IL20RA: variants seen among roughly 807,000 people sequenced by gnomAD.
IL20RA encodes the protein interleukin-20 receptor subunit alpha.
Under a neutral mutation model 36.5 loss-of-function variants are expected in IL20RA, and 29 were observed. The observed-to-expected ratio is 0.79, with a 90% CI of 0.59 to 1.08. IL20RA has a LOEUF of 1.08. Among genes scored for constraint, IL20RA ranks in the 50% least tolerant of loss-of-function variants. The pLI is 0.00. For synonymous variants in IL20RA, 279 were observed against 267.1 expected, an observed-to-expected ratio of 1.04 and a Z score of -0.43; for missense variants, 652 against 668.4, an observed-to-expected ratio of 0.98 and a Z score of 0.27.
chr6:137,007,202 C>T (rs934568679), intron 5 of IL20RA, among the ~76,000 whole-genome samples: 30 of 152,314 alleles, frequency 2.0e-4, no homozygotes, highest in African/African-American at 2.6e-4. Flanking sequence ...AATACAAATG[C>T]GATTTCTTCA....
chr6:137,001,995 C>T lies in IL20RA; in HGVS notation c.1225G>A (p.Asp409Asn), dbSNP rs1420697238. Reference sequence around the variant, plus strand: ...TGCTCTTCAGGCCCCGCACAAATGTCAGTGGTTCTGACATCATATTCATAT... The same window carrying T: ...TGCTCTTCAGGCCCCGCACAAATGTTAGTGGTTCTGACATCATATTCATAT... The part of the protein sequence containing the change: ...IEYEYDVRTT[D>N]ICAGPEEQEL... Residue 409 changes from aspartate to asparagine, a missense_variant, in exon 7 of 7, where the codon GAC becomes AAC. Coordinates refer to ENST00000316649, the MANE Select transcript of IL20RA (RefSeq NM_014432.4). The T allele has an allele frequency of 6.2e-7, 1 of 1,614,098 alleles. No individual in the cohort carries two copies. Among genetic ancestry groups the T allele is most frequent in the Non-Finnish European group, 8.5e-7 (1 of 1,180,052 alleles).
rs1775014419 is a variant in IL20RA, at chr6:137,000,999, C to T, written c.*559G>A. The T allele has an allele frequency of 6.6e-6, 1 of 152,218 alleles. No homozygotes were observed. Among genetic ancestry groups the T allele is most frequent in the Non-Finnish European group, 1.5e-5 (1 of 68,122 alleles). 9.4% of individuals were successfully genotyped at this position (152,218 alleles called of 1,614,324 possible). ...GTGTGTGATATCATGAAGGTCTGTG[C>T]CTGATGTATTCACTCAAAATATGAA... On this transcript the variant is annotated 3_prime_UTR_variant, in exon 7 of 7. Transcript: ENST00000316649.
chr6:137,010,605 T>C (rs1226845209), intron 3 of IL20RA, among the ~76,000 whole-genome samples: 1 of 152,206 alleles, frequency 6.6e-6, no homozygotes, highest in Non-Finnish European at 1.5e-5. Context: ...GGGTCCTTCA[T>C]GACTGAGTCA....
At position 137,001,583 on chromosome 6, in the gene IL20RA, C is replaced by G. The variant is rs186439336; in HGVS notation, c.1637G>C (p.Gly546Ala). The change falls in exon 7 of 7, where the codon GGG (glycine) becomes GCG (alanine). Residue 546 changes from glycine to alanine, a missense_variant. Gly to Ala is a moderately conservative substitution (Grantham distance 60). Coordinates refer to ENST00000316649, the MANE Select transcript of IL20RA (RefSeq NM_014432.4). The part of the protein sequence containing the change: ...TYLMQFMEEW[G>A]LYVQMEN The stretch of plus-strand genomic sequence containing the variant: ...TCAGTTTTCCATCTGCACATATAAC[C>G]CCCATTCCTCCATGAATTGCATGAG... The G allele has an allele frequency of 2.3e-5, 37 of 1,581,626 alleles. No homozygotes were observed. In the Admixed American group the frequency reaches 5.1e-4, roughly 22 times the overall value.
At chr6:137,014,926 G>C (rs2115383947) in intron 2 of IL20RA, among the ~76,000 whole-genome samples, 1 of 152,300 alleles carries the variant, frequency 6.6e-6, no homozygotes, top group Non-Finnish European at 1.5e-5. Context: ...CCTCCAGGAA[G>C]ATCTCAGAAA....
intron 1 of IL20RA, among the ~76,000 whole-genome samples, chr6:137,038,455 C>T (rs1222001548): frequency 6.6e-6 from 1 of 151,880 alleles, no homozygotes; most frequent in Non-Finnish European, 1.5e-5. Context: ...CCTCAACCTC[C>T]CAAAGCTCTG....
At chr6:137,016,081 A>T (rs1775673377) in intron 2 of IL20RA, among the ~76,000 whole-genome samples, 1 of 152,124 alleles carries the variant, frequency 6.6e-6, no homozygotes, top group Non-Finnish European at 1.5e-5. Flanking sequence ...CTGATGTCGT[A>T]GCCTTCCTGG....
intron 4 of IL20RA, 56 bp downstream of exon 4, chr6:137,009,261 C>T: frequency 1.4e-6 from 2 of 1,411,554 alleles, no homozygotes; most frequent in Non-Finnish European, 2.0e-6. Flanking sequence ...TTGTTTGTTC[C>T]CACATTAGCT....
chr6:137,026,121 G>C (rs1483781104), intron 1 of IL20RA, among the ~76,000 whole-genome samples: 2 of 152,164 alleles, frequency 1.3e-5, no homozygotes, highest in Non-Finnish European at 2.9e-5. Flanking sequence ...GACCAACTGG[G>C]GCAGCCTTAG....
intron 2 of IL20RA, among the ~76,000 whole-genome samples, chr6:137,014,724 T>G (rs1418832147): frequency 2.6e-5 from 4 of 152,150 alleles, no homozygotes; most frequent in Admixed American, 2.0e-4. Context: ...CCACCTTATA[T>G]TATTGTTTAA....
chr6:137,006,932 C>T (rs554389763), intron 5 of IL20RA, among the ~76,000 whole-genome samples: 1 of 152,246 alleles, frequency 6.6e-6, no homozygotes, highest in East Asian at 1.9e-4. Flanking sequence ...CCATGATGCC[C>T]AGGCTGGTCT....
At position 137,001,903 on chromosome 6, in the gene IL20RA, T is replaced by C. The variant is rs749770673; in HGVS notation, c.1317A>G (p.Ala439=). 4.3e-6 allele frequency: 7 copies of C among 1,614,000 alleles called. No individual in the cohort carries two copies. In the East Asian group the frequency reaches 1.6e-4, roughly 36 times the overall value. ...ACTGTAACGTTTGCGGGCCCAAGAC[T>C]GCCAACGCTGCCTGCGACTCCAATA... ...GTLLESQAAL[A]VLGPQTLQYS... Residue 439 remains alanine, a synonymous_variant, in exon 7 of 7, where the codon GCA becomes GCG. Coordinates refer to ENST00000316649, the MANE Select transcript of IL20RA (RefSeq NM_014432.4).
chr6:137,008,776 C>T, intron 4 of IL20RA, 33 bp from the exon 5 acceptor site: 2 of 1,514,426 alleles, frequency 1.3e-6, no homozygotes, highest in Non-Finnish European at 1.8e-6. Context: ...TTGGTTAGAG[C>T]CAGACATTTC....
intron 3 of IL20RA, among the ~76,000 whole-genome samples, chr6:137,010,610 G>A (rs1775457481): frequency 1.3e-5 from 2 of 152,142 alleles, no homozygotes; most frequent in Non-Finnish European, 2.9e-5. Flanking sequence ...CTTCATGACT[G>A]AGTCAGCCAT....
chr6:137,027,276 C>T (rs369630088), intron 1 of IL20RA, among the ~76,000 whole-genome samples: 1 of 152,356 alleles, frequency 6.6e-6, no homozygotes, highest in Admixed American at 6.5e-5. Flanking sequence ...AAGGACAGAG[C>T]ACGATTCGGT....
chr6:137,000,221 G>C lies in IL20RA; in HGVS notation c.*1337C>G, dbSNP rs967622242. The C allele has an allele frequency of 6.6e-6, 1 of 152,110 alleles. No homozygotes were observed. The highest frequency in any genetic ancestry group is 2.4e-5 in the African/African-American group (1 of 41,414). 9.4% of individuals were successfully genotyped at this position (152,110 alleles called of 1,614,324 possible). On this transcript the variant is annotated 3_prime_UTR_variant, in exon 7 of 7. Coordinates refer to ENST00000316649, the MANE Select transcript of IL20RA (RefSeq NM_014432.4). ...ACCCCAGAATCCATCTCTCCTACCAGGGTTGTCTGCCTGTACCAATAATAT... is the reference window on the plus strand; with the variant it reads ...ACCCCAGAATCCATCTCTCCTACCACGGTTGTCTGCCTGTACCAATAATAT...
chr6:137,044,276 G>T, intron 1 of IL20RA: 1 of 998,180 alleles, frequency 1.0e-6, no homozygotes, highest in South Asian at 4.7e-5. Flanking sequence ...CCTGGGACTG[G>T]CCGGCGAGGG....
intron 1 of IL20RA, among the ~76,000 whole-genome samples, chr6:137,040,027 C>T (rs1776630362): frequency 6.6e-6 from 1 of 152,104 alleles, no homozygotes; most frequent in South Asian, 2.1e-4. Context: ...AGCTTAAGAC[C>T]AGAAAACTGT....
At chr6:137,019,285 C>A (rs566142263) in intron 1 of IL20RA, among the ~76,000 whole-genome samples, 1 of 152,230 alleles carries the variant, frequency 6.6e-6, no homozygotes, top group South Asian at 2.1e-4. Flanking sequence ...CACCACCATG[C>A]CTGGCTAATT....
Sources: gnomAD v4.1 joint callset for allele counts (sites outside exome capture counted in the v4.1 genomes callset) on GRCh38, gnomAD v4.1.1 for gene constraint, MANE v1.5 for transcripts, NCBI Gene and HGNC (gene_info 2026-07-23, HGNC 2026-07-21) for gene names.